The following CASP6 variants were observed in gnomAD, a reference collection of about 807,000 sequenced individuals.
CASP6 encodes the protein caspase 6.
In CASP6, 20 loss-of-function variants were observed where a neutral mutation model predicts 31.8. That is an observed-to-expected ratio of 0.63 (90% CI 0.44 to 0.91). The LOEUF (loss-of-function observed/expected upper bound fraction) is 0.91, where lower values mean the gene tolerates loss of function less well. CASP6 is among the 40% of genes least tolerant of loss of function. The pLI is 0.00. For synonymous variants in CASP6, 130 were observed against 127.8 expected, an observed-to-expected ratio of 1.02 and a Z score of -0.12; for missense variants, 328 against 361.1, an observed-to-expected ratio of 0.91 and a Z score of 0.74.
intron 3 of CASP6, 36 bp from the exon 4 acceptor site, chr4:109,696,522 C>A: frequency 4.1e-6 from 6 of 1,453,252 alleles, no homozygotes; most frequent in Non-Finnish European, 5.7e-6. Context: ...AGCCTATAAA[C>A]TTTTCAAAGT....
chr4:109,666,782 G>T, the CASP6 span, among the ~76,000 whole-genome samples: 164 of 152,200 alleles, frequency 1.1e-3, no homozygotes, highest in African/African-American at 3.8e-3. Flanking sequence ...TTCCTGGTTT[G>T]CTGAGAGTCT....
In CASP6 at chr4:109,689,361, T is replaced by TTAGTTAGCATTGAGGCAA. The variant is rs781221052; in HGVS notation, c.833_850dup (p.Thr283_Lys284insIleAlaSerMetLeuThr). The TTAGTTAGCATTGAGGCAA allele has an allele frequency of 6.2e-7, 1 of 1,614,188 alleles. No homozygotes were observed. Among genetic ancestry groups the TTAGTTAGCATTGAGGCAA allele is most frequent in the Non-Finnish European group, 8.5e-7 (1 of 1,180,006 alleles). On this transcript the variant is annotated inframe_insertion, in exon 7 of 7. Coordinates refer to ENST00000265164, the MANE Select transcript of CASP6 (RefSeq NM_001226.4). ...AGATTTTGGAAAGAAATGCAGCTTT[T>TTAGTTAGCATTGAGGCAA]TAGTTAGCATTGAGGCAAAACAGGG...
At chr4:109,666,738 A>T in the CASP6 span, among the ~76,000 whole-genome samples, 4 of 151,860 alleles carry the variant, frequency 2.6e-5, no homozygotes, top group Admixed American at 2.6e-4. Context: ...TTGCTTTCTC[A>T]TTGTCTTTCA....
chr4:109,677,802 ATTTTTTTTTTTTT>A, the CASP6 span, among the ~76,000 whole-genome samples: 3 of 86,606 alleles, frequency 3.5e-5, no homozygotes, highest in Non-Finnish European at 6.4e-5. Flanking sequence ...AAGGAAACAA[ATTTTTTTTTTTTT>A]TTTTTTTTTT....
upstream of CASP6, among the ~76,000 whole-genome samples, chr4:109,704,082 A>C (rs1296550422): frequency 6.6e-6 from 1 of 152,196 alleles, no homozygotes; most frequent in Non-Finnish European, 1.5e-5. Flanking sequence ...GGACTGTTCC[A>C]CCGAACTTTC....
At chr4:109,707,728 A>G (rs1253715875), upstream of CASP6, among the ~76,000 whole-genome samples, 1 of 152,122 alleles carries the variant, frequency 6.6e-6, no homozygotes, top group Non-Finnish European at 1.5e-5. Flanking sequence ...GAGCTAATTC[A>G]GGGACAGAAC....
upstream of CASP6, chr4:109,703,616 A>T (rs1261420154): frequency 6.8e-6 from 4 of 588,436 alleles, no homozygotes; most frequent in Non-Finnish European, 1.2e-5. Flanking sequence ...GCGGGGACCA[A>T]GAGCGCGGGG....
the CASP6 span, among the ~76,000 whole-genome samples, chr4:109,666,372 C>A: frequency 6.6e-6 from 1 of 152,294 alleles, no homozygotes; most frequent in South Asian, 2.1e-4. Context: ...GTAAAACTGT[C>A]AAGCTGTCTT....
At chr4:109,703,716 A>C, upstream of CASP6, 1 of 475,364 alleles carries the variant, frequency 2.1e-6, no homozygotes, top group Non-Finnish European at 3.7e-6. Flanking sequence ...GGGGACACAC[A>C]GACCGCCTAG....
chr4:109,687,666 T>C, downstream of CASP6: 1 of 856,222 alleles, frequency 1.2e-6, no homozygotes, highest in Admixed American at 2.0e-5. Flanking sequence ...TTGAGTCCCA[T>C]GGTTCATTTT....
chr4:109,690,102 T>C (rs1413516869), intron 6 of CASP6, among the ~76,000 whole-genome samples: 2 of 151,230 alleles, frequency 1.3e-5, no homozygotes, highest in Non-Finnish European at 2.9e-5. Flanking sequence ...GGAGAATCAC[T>C]TGAACCCAGG....
chr4:109,684,186 CTGAG>C (rs1729780621), downstream of CASP6, among the ~76,000 whole-genome samples: 1 of 151,802 alleles, frequency 6.6e-6, no homozygotes, highest in Admixed American at 6.6e-5. Flanking sequence ...CCTCAGCCTC[CTGAG>C]TATCTGGGAC....
rs773816550 is a variant in CASP6, at chr4:109,690,946, C to CT, written c.546dup (p.Glu183ArgfsTer9). On this transcript the variant is annotated frameshift_variant, in exon 6 of 7. Transcript: ENST00000265164. LOFTEE classifies it high-confidence loss of function. ...TCAGTTATGTTGGTGTCCAACTTCT[C>CT]TGTCTGATTATCTACTACATCCAAA... The CT allele has an allele frequency of 1.2e-6, 2 of 1,613,926 alleles. No individual in the cohort carries two copies. Among genetic ancestry groups the CT allele is most frequent in the Admixed American group, 3.3e-5 (2 of 60,002 alleles).
chr4:109,691,026 A>G lies in CASP6; in HGVS notation c.484-17T>C. On this transcript the variant is annotated splice_polypyrimidine_tract_variant and intron_variant, in intron 5 of 6. Transcript: ENST00000265164. ...CCGACATGCCTACAAGACAAGGAGG[A>G]AAAACCCACCTCTTTGCCTACTGTT... 1.2e-6 allele frequency: 2 copies of G among 1,600,966 alleles called. No homozygotes were observed. The highest frequency in any genetic ancestry group is 2.2e-5 in the East Asian group (1 of 44,616).
chr4:109,673,559 T>C, the CASP6 span, among the ~76,000 whole-genome samples: 1 of 152,220 alleles, frequency 6.6e-6, no homozygotes. Context: ...ACAGCAGGTA[T>C]AGTTAGAAGG....
the CASP6 span, among the ~76,000 whole-genome samples, chr4:109,678,491 GCGCTCCCCATTTCCC>G: frequency 1.7e-3 from 257 of 149,144 alleles, 1 homozygote; most frequent in African/African-American, 6.0e-3. Flanking sequence ...CCGGGCAGAG[GCGCTCCCCATTTCCC>G]AGATGGGGCG....
At chr4:109,696,817 ACT>A (rs1224056177) in intron 3 of CASP6, among the ~76,000 whole-genome samples, 1 of 134,800 alleles carries the variant, frequency 7.4e-6, no homozygotes, top group Non-Finnish European at 1.5e-5. Flanking sequence ...ACAGAGGCTC[ACT>A]CTGTCGCCCA....
chr4:109,698,422 G>T, intron 1 of CASP6, 80 bp from the exon 2 acceptor site: 1 of 1,230,066 alleles, frequency 8.1e-7, no homozygotes, highest in Admixed American at 2.0e-5. Flanking sequence ...TCCCCCTTCT[G>T]ACTCCCAAAC....
chr4:109,687,018 T>A (rs903771338), downstream of CASP6, among the ~76,000 whole-genome samples: 2 of 150,164 alleles, frequency 1.3e-5, no homozygotes, highest in Non-Finnish European at 3.0e-5. Flanking sequence ...ATAAACTGTA[T>A]TTTTTTTTAA....
Sources: allele counts gnomAD v4.1 joint callset (sites outside exome capture counted in the v4.1 genomes callset), GRCh38; gene constraint gnomAD v4.1.1; transcripts MANE v1.5; gene names NCBI Gene and HGNC (gene_info 2026-07-23, HGNC 2026-07-21).